Variants in COL25A1 observed in about 807,000 individuals in gnomAD.
COL25A1 encodes collagen type XXV alpha 1 chain.
COL25A1 carries 103 observed loss-of-function variants against 128.4 expected under a neutral mutation model. The ratio of observed to expected loss-of-function variants is 0.80; its 90% CI spans 0.68 to 0.94. COL25A1 has a LOEUF of 0.94. Among genes scored for constraint, COL25A1 ranks in the 40% least tolerant of loss-of-function variants. COL25A1 has a pLI of 0.00. For missense variants in COL25A1, 745 were observed against 840.0 expected (o/e 0.89, Z 1.40); for synonymous variants, 279 against 277.2 (o/e 1.01, Z -0.06).
chr4:108,901,561 A>T (rs1742860697), intron 13 of COL25A1, among the ~76,000 whole-genome samples: 1 of 152,138 alleles, frequency 6.6e-6, no homozygotes, highest in Non-Finnish European at 1.5e-5. Flanking sequence ...GAAAGAATAA[A>T]TCATTCTGTT....
intron 24 of COL25A1, 109 bp from the exon 25 acceptor site, chr4:108,853,034 T>C: frequency 1.1e-6 from 1 of 917,976 alleles, no homozygotes; most frequent in Non-Finnish European, 1.7e-6. Context: ...GCTAGTCTGA[T>C]ATCTTAAAAG....
intron 4 of COL25A1, among the ~76,000 whole-genome samples, chr4:109,049,004 T>C (rs950458990): frequency 3.3e-5 from 5 of 152,130 alleles, no homozygotes; most frequent in African/African-American, 1.2e-4. Flanking sequence ...TTCAATGAGC[T>C]TTAAAGGTAG....
intron 3 of COL25A1, among the ~76,000 whole-genome samples, chr4:109,120,630 A>G (rs1035447476): frequency 6.6e-6 from 1 of 151,904 alleles, no homozygotes; most frequent in Non-Finnish European, 1.5e-5. Context: ...GAAACACGGC[A>G]AAACTCCATC....
At chr4:108,947,485 A>G (rs1236340250) in intron 8 of COL25A1, among the ~76,000 whole-genome samples, 1 of 151,934 alleles carries the variant, frequency 6.6e-6, no homozygotes, top group Admixed American at 6.6e-5. Flanking sequence ...AAAGAAAGAA[A>G]GGTGAGAATT....
chr4:109,156,052 G>C (rs1771997847), intron 3 of COL25A1, among the ~76,000 whole-genome samples: 1 of 152,198 alleles, frequency 6.6e-6, no homozygotes, highest in African/African-American at 2.4e-5. Flanking sequence ...TCAAGAGGCA[G>C]AACTGAGCTG....
intron 11 of COL25A1, chr4:108,920,981 G>C (rs1157993361): frequency 1.2e-5 from 2 of 165,930 alleles, no homozygotes; most frequent in African/African-American, 4.8e-5. Context: ...TCAGCAAATG[G>C]ACACATTAGA....
intron 5 of COL25A1, among the ~76,000 whole-genome samples, chr4:109,037,589 C>T (rs941172562): frequency 6.6e-6 from 1 of 152,192 alleles, no homozygotes. Context: ...CTCGCATGTG[C>T]GGCAGAGAGA....
In COL25A1 at chr4:108,810,078, T is replaced by C. The variant is rs555001399; in HGVS notation, c.*3849A>G. 69 of 152,038 alleles carry C rather than the reference T, an allele frequency of 4.5e-4. 1 individual carries two copies. The highest frequency in any genetic ancestry group is 1.7e-3 in the African/African-American group (69 of 41,530). The allele number at this position is 152,038 out of a possible 1,614,324, so 9.4% of individuals were successfully genotyped here. On this transcript the variant is annotated 3_prime_UTR_variant, in exon 38 of 38. Transcript: ENST00000399132. ...CTGTATGTTGCTTATGATCACTTAT[T>C]AGAAGATGTTAAAACACCACCAAAG...
chr4:108,908,969 A>G (rs1403038246), intron 13 of COL25A1, among the ~76,000 whole-genome samples: 1 of 152,154 alleles, frequency 6.6e-6, no homozygotes, highest in African/African-American at 2.4e-5. Flanking sequence ...CTGAAAAGAC[A>G]TCTCAAAAGG....
intron 3 of COL25A1, among the ~76,000 whole-genome samples, chr4:109,212,340 G>A (rs1291643231): frequency 6.6e-6 from 1 of 152,118 alleles, no homozygotes. Context: ...TCAGCTAAGT[G>A]TTCAGCTGAC....
intron 6 of COL25A1, among the ~76,000 whole-genome samples, chr4:108,985,823 T>A (rs1484478216): frequency 6.6e-6 from 1 of 152,140 alleles, no homozygotes; most frequent in African/African-American, 2.4e-5. Context: ...CTGACTTATG[T>A]CCTAAATTCT....
chr4:108,916,482 T>C (rs1019150590), intron 13 of COL25A1, among the ~76,000 whole-genome samples: 1 of 152,184 alleles, frequency 6.6e-6, no homozygotes, highest in Non-Finnish European at 1.5e-5. Context: ...TTGTTTCATG[T>C]TAAAAGTTTC....
At chr4:108,854,497 C>T (rs1736221154) in intron 24 of COL25A1, among the ~76,000 whole-genome samples, 2 of 151,850 alleles carry the variant, frequency 1.3e-5, no homozygotes, top group South Asian at 4.1e-4. Flanking sequence ...CCAGAATCTA[C>T]AAAGAACTTA....
chr4:109,122,291 T>C (rs960441268), intron 3 of COL25A1, among the ~76,000 whole-genome samples: 1 of 152,058 alleles, frequency 6.6e-6, no homozygotes, highest in Non-Finnish European at 1.5e-5. Context: ...GATAATGATG[T>C]GTCAGAGTCA....
intron 8 of COL25A1, among the ~76,000 whole-genome samples, chr4:108,954,512 T>C (rs1158705577): frequency 6.6e-6 from 1 of 152,004 alleles, no homozygotes; most frequent in Non-Finnish European, 1.5e-5. Flanking sequence ...AGTACTTTTA[T>C]GCTTCCAAAT....
chr4:108,967,740 T>C (rs1751478030), intron 8 of COL25A1, among the ~76,000 whole-genome samples: 1 of 152,160 alleles, frequency 6.6e-6, no homozygotes, highest in Non-Finnish European at 1.5e-5. Context: ...CAGCAAGTTG[T>C]AAGACTAAGC....
At chr4:109,276,847 C>T (rs1022852488) in intron 3 of COL25A1, among the ~76,000 whole-genome samples, 3 of 152,142 alleles carry the variant, frequency 2.0e-5, no homozygotes, top group East Asian at 1.9e-4. Context: ...ATTTCCACTC[C>T]GGGACCCAAG....
At chr4:109,264,386 G>A (rs2126258199) in intron 3 of COL25A1, among the ~76,000 whole-genome samples, 1 of 152,328 alleles carries the variant, frequency 6.6e-6, no homozygotes, top group Middle Eastern at 3.4e-3. Context: ...GAACATACTG[G>A]AGAAGAGCAA....
At chr4:108,961,009 T>C (rs1750619363) in intron 8 of COL25A1, among the ~76,000 whole-genome samples, 1 of 152,192 alleles carries the variant, frequency 6.6e-6, no homozygotes, top group Non-Finnish European at 1.5e-5. Flanking sequence ...AAAAATACTT[T>C]TTAAAAAACA....
Sources: allele counts gnomAD v4.1 joint callset (sites outside exome capture counted in the v4.1 genomes callset), GRCh38; gene constraint gnomAD v4.1.1; transcripts MANE v1.5; gene names NCBI Gene and HGNC (gene_info 2026-07-23, HGNC 2026-07-21).